Variants in NAV2 observed in about 807,000 individuals in gnomAD.
The protein encoded by NAV2 is neuron navigator 2.
A neutral mutation model predicts 223.2 loss-of-function variants in NAV2; 54 were observed. The observed-to-expected ratio is 0.24, with a 90% CI of 0.19 to 0.30. The LOEUF (loss-of-function observed/expected upper bound fraction) is 0.30, where lower values mean the gene tolerates loss of function less well. NAV2 is among the 10% of genes least tolerant of loss of function. The pLI, the probability that NAV2 is intolerant of heterozygous loss-of-function variation, is 1.00. For synonymous variants in NAV2, 1,279 were observed against 1,239.3 expected (o/e 1.03, Z -0.67); for missense variants, 2,806 against 3,147.5 (o/e 0.89, Z 2.60).
rs116648801 is a variant in NAV2 at position 20,037,431 on chromosome 11, C to T, written c.2907+1334C>T. On this transcript the variant is annotated intron_variant, in intron 12 of 37. Transcript: ENST00000349880. ...TAATTCTGTCCCACAGAAATGGAAACGTTTAATGCCTGATGAAATACATTA... is the reference window on the plus strand; with the variant it reads ...TAATTCTGTCCCACAGAAATGGAAATGTTTAATGCCTGATGAAATACATTA... Among the ~76,000 whole-genome samples, 620 of 150,586 alleles carry T rather than the reference C, an allele frequency of 4.1e-3. 5 individuals are homozygous for T. The highest frequency in any genetic ancestry group is 0.014 in the African/African-American group (563 of 41,008).
intron 1 of NAV2, among the ~76,000 whole-genome samples, chr11:19,651,822 A>G (rs74571316): frequency 0.01 from 1,555 of 152,334 alleles, 38 homozygotes; most frequent in East Asian, 0.068. Context: ...CAGCTTAGCC[A>G]TCCACCTTAG....
At chr11:19,868,901 T>G (rs780829906) in intron 3 of NAV2, 24 bp from the exon 4 acceptor site, 1 of 1,610,332 alleles carries the variant, frequency 6.2e-7, no homozygotes, top group East Asian at 2.2e-5. Context: ...TTATTAAGTA[T>G]ATATTGTTGT....
chr11:19,699,062 GC>G (rs2152279670), intron 1 of NAV2, among the ~76,000 whole-genome samples: 1 of 152,272 alleles, frequency 6.6e-6, no homozygotes, highest in South Asian at 2.1e-4. Context: ...CTGGCCTAGG[GC>G]CCCCACTCTG....
chr11:19,677,687 G>T (rs183387507), intron 1 of NAV2, among the ~76,000 whole-genome samples: 27 of 152,374 alleles, frequency 1.8e-4, no homozygotes, highest in East Asian at 1.4e-3. Flanking sequence ...AGCCCTGACT[G>T]AGTGATTTTG....
chr11:19,688,124 G>T (rs1400469493), intron 1 of NAV2, among the ~76,000 whole-genome samples: 1 of 152,204 alleles, frequency 6.6e-6, no homozygotes. Context: ...TCTACCTAGA[G>T]TTGGCTCATT....
intron 1 of NAV2, among the ~76,000 whole-genome samples, chr11:19,653,297 A>C (rs1037283325): frequency 6.6e-6 from 1 of 152,204 alleles, no homozygotes; most frequent in East Asian, 1.9e-4. Context: ...ACACTAACTT[A>C]ATGTATTCAT....
At chr11:19,682,195 C>T (rs968149875) in intron 1 of NAV2, among the ~76,000 whole-genome samples, 5 of 152,102 alleles carry the variant, frequency 3.3e-5, no homozygotes, top group Admixed American at 6.5e-5. Context: ...GAGTGGGAAT[C>T]TGGAGAGGGA....
chr11:19,997,175 T>A (rs2051983178), intron 11 of NAV2, among the ~76,000 whole-genome samples: 1 of 151,906 alleles, frequency 6.6e-6, no homozygotes, highest in Admixed American at 6.6e-5. Flanking sequence ...TGGGTAGGAG[T>A]CTGTCATGTC....
chr11:19,679,918 G>A (rs2048832438), intron 1 of NAV2, among the ~76,000 whole-genome samples: 1 of 152,240 alleles, frequency 6.6e-6, no homozygotes, highest in Non-Finnish European at 1.5e-5. Flanking sequence ...GAAGGCAAGA[G>A]GAAGGGCCCC....
chr11:19,768,172 G>T lies in NAV2; in HGVS notation c.267+54210G>T, dbSNP rs189174496. Among the ~76,000 whole-genome samples, 48 of 152,332 alleles carry T rather than the reference G, an allele frequency of 3.2e-4. No homozygotes were observed. In the East Asian group the frequency reaches 8.9e-3, roughly 28 times the overall value. ...CTGCACGCACGTTGAGTGGCTCTCA[G>T]GAAAACATTTCCTTGAGAAAGCAGA... On this transcript the variant is annotated intron_variant, in intron 1 of 37. Transcript: ENST00000349880.
intron 1 of NAV2, among the ~76,000 whole-genome samples, chr11:19,644,836 T>C (rs1240533381): frequency 1.3e-5 from 2 of 152,208 alleles, no homozygotes; most frequent in Non-Finnish European, 2.9e-5. Flanking sequence ...CACAAAGGTA[T>C]GGACCAGTTT....
intron 1 of NAV2, among the ~76,000 whole-genome samples, chr11:19,565,329 C>G (rs942905595): frequency 6.6e-6 from 1 of 152,200 alleles, no homozygotes; most frequent in African/African-American, 2.4e-5. Flanking sequence ...GTACTCTTCT[C>G]CTATTTCCCT....
intron 2 of NAV2, among the ~76,000 whole-genome samples, chr11:19,833,293 CT>C (rs943462672): frequency 2.6e-5 from 4 of 152,300 alleles, no homozygotes; most frequent in Admixed American, 2.6e-4. Flanking sequence ...TACTGGTAGC[CT>C]TGGCCAAGGG....
At chr11:19,892,848 G>A (rs1056478934) in intron 6 of NAV2, among the ~76,000 whole-genome samples, 2 of 152,168 alleles carry the variant, frequency 1.3e-5, no homozygotes, top group African/African-American at 2.4e-5. Flanking sequence ...ACCCGGCTAT[G>A]CATAGAAGCA....
rs138674275 is a variant in NAV2, at chr11:20,119,333, G to T, written c.*1075G>T. The T allele has an allele frequency of 6.6e-6, 1 of 152,266 alleles. No homozygotes were observed. Among genetic ancestry groups the T allele is most frequent in the Non-Finnish European group, 1.5e-5 (1 of 68,086 alleles). The allele number at this position is 152,266 out of a possible 1,614,324, so 9.4% of individuals were successfully genotyped here. A position where few individuals can be genotyped will look rare whatever the true frequency, so the allele number is the denominator to read the frequency against. On this transcript the variant is annotated 3_prime_UTR_variant, in exon 38 of 38. Coordinates refer to ENST00000349880, the MANE Select transcript of NAV2 (RefSeq NM_145117.5). ...CTACACACTCGCCTCCTCCTGCTAG[G>T]GCTGGGGGTATCTGTGTCCTTTAAA...
At chr11:19,386,481 G>A (rs954809789) in intron 1 of NAV2, among the ~76,000 whole-genome samples, 1 of 152,210 alleles carries the variant, frequency 6.6e-6, no homozygotes, top group Non-Finnish European at 1.5e-5. Context: ...GTGAATGCCT[G>A]TTGAATCTGA....
In NAV2 at chr11:20,118,288, TCTC is replaced by T. The variant is rs1259120471; in HGVS notation, c.*34_*36del. The T allele has an allele frequency of 6.2e-6, 10 of 1,610,928 alleles. No individual in the cohort carries two copies. Among genetic ancestry groups the T allele is most frequent in the African/African-American group, 2.7e-5 (2 of 74,724 alleles). On this transcript the variant is annotated 3_prime_UTR_variant, in exon 38 of 38. Transcript: ENST00000349880. Reference sequence around the variant, plus strand: ...GGCCCGGAGCCCAGCGCCCTCCTCTTCTCCTCACCGCATTCCACCTGCATCCCC... The same window carrying T: ...GGCCCGGAGCCCAGCGCCCTCCTCTTCTCACCGCATTCCACCTGCATCCCC...
At chr11:19,956,020 C>A (rs563652149) in intron 10 of NAV2, among the ~76,000 whole-genome samples, 4 of 152,156 alleles carry the variant, frequency 2.6e-5, no homozygotes, top group Non-Finnish European at 5.9e-5. Flanking sequence ...CCCACTGAAA[C>A]GATCTTGGCT....
In NAV2 at chr11:19,713,981, C is replaced by A; in HGVS notation, c.267+19C>A. The A allele has an allele frequency of 8.7e-6, 14 of 1,611,940 alleles. No individual in the cohort carries two copies. The highest frequency in any genetic ancestry group is 1.1e-5 in the Non-Finnish European group (13 of 1,179,410). On this transcript the variant is annotated intron_variant, in intron 1 of 37. Transcript: ENST00000349880. This position sits in a 1 kb window ranked among gnomAD's most constrained non-coding sequence, Gnocchi z 7.2. The stretch of plus-strand genomic sequence containing the variant: ...TACCCAGGTGAGAGATGCCGTTTGC[C>A]GGGGTACTGTTCTGGAAGGATGGAT...
Sources: gnomAD v4.1 joint callset for allele counts (sites outside exome capture counted in the v4.1 genomes callset) on GRCh38, gnomAD v4.1.1 for gene constraint, Gnocchi (gnomAD v3.1) non-coding constraint, MANE v1.5 for transcripts, NCBI Gene and HGNC (gene_info 2026-07-23, HGNC 2026-07-21) for gene names.